Variants in COL11A1 observed in about 807,000 individuals in gnomAD.
COL11A1 encodes collagen type XI alpha 1 chain, also known as collagen alpha-1(XI) chain.
COL11A1 carries 74 observed loss-of-function variants against 265.2 expected under a neutral mutation model. The ratio of observed to expected loss-of-function variants is 0.28; its 90% CI spans 0.23 to 0.34. The LOEUF (loss-of-function observed/expected upper bound fraction) is 0.34, where lower values mean the gene tolerates loss of function less well. COL11A1 is among the 10% of genes least tolerant of loss of function. The pLI, the probability that COL11A1 is intolerant of heterozygous loss-of-function variation, is 1.00. For missense variants in COL11A1, 2,165 were observed against 2,263.6 expected, an observed-to-expected ratio of 0.96 and a Z score of 0.88; for synonymous variants, 816 against 727.6, an observed-to-expected ratio of 1.12 and a Z score of -1.96.
intron 1 of COL11A1, chr1:103,100,814 C>A (rs553245627): frequency 6.6e-6 from 1 of 152,018 alleles, no homozygotes; most frequent in East Asian, 1.9e-4. Flanking sequence ...TACTTACTAG[C>A]TGTGTGACTT....
intron 8 of COL11A1, among the ~76,000 whole-genome samples, chr1:103,022,197 A>T (rs1189201902): frequency 1.3e-5 from 2 of 151,946 alleles, no homozygotes; most frequent in African/African-American, 2.4e-5. Context: ...AACTAAACAC[A>T]TTTAAAACAA....
chr1:103,001,124 G>A (rs1665061376), intron 24 of COL11A1: 1 of 397,320 alleles, frequency 2.5e-6, no homozygotes, highest in South Asian at 1.3e-4. Flanking sequence ...CTGAGGGGGT[G>A]GAAACATGGA....
chr1:103,097,514 C>CT (rs1673873829), intron 1 of COL11A1, among the ~76,000 whole-genome samples: 1 of 151,962 alleles, frequency 6.6e-6, no homozygotes, highest in African/African-American at 2.4e-5. Context: ...CTCCAGGAAC[C>CT]ATACACCTCT....
intron 41 of COL11A1, among the ~76,000 whole-genome samples, chr1:102,953,166 CTA>C (rs1436521360): frequency 3.9e-5 from 6 of 152,138 alleles, no homozygotes; most frequent in Non-Finnish European, 8.8e-5. Context: ...GATAAATAAA[CTA>C]TTATATCTAA....
intron 13 of COL11A1, 64 bp downstream of exon 13, chr1:103,014,447 A>G (rs1257126965): frequency 7.8e-7 from 1 of 1,283,674 alleles, no homozygotes; most frequent in Non-Finnish European, 1.1e-6. Flanking sequence ...TTCCGTATGT[A>G]CACACATATA....
rs1237127859 is a variant in COL11A1 at position 102,914,335 on chromosome 1, T to C, written c.3978+17A>G. 1.9e-6 allele frequency: 3 copies of C among 1,590,232 alleles called. 1 individual carries two copies. In the South Asian group the frequency reaches 3.4e-5, roughly 18 times the overall value. On this transcript the variant is annotated intron_variant, in intron 52 of 66. Transcript: ENST00000370096. ...ATTCACTCCAAAATAATTTCTTGAT[T>C]TTTCCCTGATACTTACTGCAGGGCC...
chr1:103,086,708 G>A (rs527368322), intron 1 of COL11A1, among the ~76,000 whole-genome samples: 1 of 152,132 alleles, frequency 6.6e-6, no homozygotes, highest in Non-Finnish European at 1.5e-5. Context: ...GAGCCACCGC[G>A]CCCGGCAACA....
At chr1:102,890,823 A>G (rs1651677776) in intron 57 of COL11A1, among the ~76,000 whole-genome samples, 2 of 152,104 alleles carry the variant, frequency 1.3e-5, no homozygotes, top group South Asian at 4.1e-4. Context: ...TCCAAATTAT[A>G]TATCCAGTTA....
chr1:102,975,844 C>A (rs1662416234), intron 35 of COL11A1, among the ~76,000 whole-genome samples: 1 of 152,026 alleles, frequency 6.6e-6, no homozygotes, highest in African/African-American at 2.4e-5. Flanking sequence ...CTAGCCTTCC[C>A]AAGAAAAATC....
At position 103,108,117 on chromosome 1, in the gene COL11A1, G is replaced by T. The variant is rs375761728; in HGVS notation, c.62C>A (p.Thr21Asn). 5 of 1,613,720 alleles carry T rather than the reference G, an allele frequency of 3.1e-6. No individual in the cohort carries two copies. The highest frequency in any genetic ancestry group is 8.5e-7 in the Non-Finnish European group (1 of 1,179,996). The change falls in exon 1 of 67, where the codon ACC becomes AAC. Residue 21 changes from threonine (T) to asparagine (N), a missense_variant. Transcript: ENST00000370096. ...KRWLWDFTVT[T>N]LALTFLFQAR... is the part of the protein sequence containing the mutation. The stretch of plus-strand genomic sequence containing the variant: ...TTGGAAGAGGAAGGTCAATGCGAGG[G>T]TTGTTACGGTGAAATCCCAGAGCCA...
At chr1:103,049,431 T>C (rs1042069194) in intron 4 of COL11A1, among the ~76,000 whole-genome samples, 13 of 152,164 alleles carry the variant, frequency 8.5e-5, no homozygotes, top group African/African-American at 3.1e-4. Flanking sequence ...CCCCTGCCTT[T>C]TTCTGTTTTC....
chr1:103,007,211 C>T (rs910201027), intron 15 of COL11A1, among the ~76,000 whole-genome samples: 14 of 152,120 alleles, frequency 9.2e-5, no homozygotes, highest in Middle Eastern at 3.2e-3. Flanking sequence ...GGACAATTTG[C>T]CAATCCCTGA....
intron 3 of COL11A1, among the ~76,000 whole-genome samples, chr1:103,075,989 G>A (rs1012476263): frequency 1.8e-4 from 28 of 151,822 alleles, no homozygotes; most frequent in African/African-American, 6.8e-4. Context: ...CTTCACTTAA[G>A]CCATTCCCAG....
At chr1:102,924,420 A>T (rs1300417264) in intron 46 of COL11A1, among the ~76,000 whole-genome samples, 1 of 152,182 alleles carries the variant, frequency 6.6e-6, no homozygotes, top group East Asian at 1.9e-4. Flanking sequence ...TTCCATGAAG[A>T]TTATTATTTC....
At chr1:103,015,602 A>G in intron 12 of COL11A1, 66 bp downstream of exon 12, 1 of 1,221,450 alleles carries the variant, frequency 8.2e-7, no homozygotes, top group South Asian at 1.3e-5. Context: ...ATATGGTTCA[A>G]CAATAAACTT....
chr1:102,934,968 A>C, intron 45 of COL11A1, 92 bp downstream of exon 45: 1 of 1,183,636 alleles, frequency 8.4e-7, no homozygotes, highest in Admixed American at 1.8e-5. Context: ...AAAACTTATT[A>C]CCCCACAAAA....
intron 65 of COL11A1, among the ~76,000 whole-genome samples, chr1:102,880,228 A>G (rs932980181): frequency 2.8e-4 from 42 of 152,198 alleles, no homozygotes; most frequent in African/African-American, 9.4e-4. Flanking sequence ...ATGTTTCAAT[A>G]TATTTCTGTA....
chr1:102,997,055 T>C, intron 26 of COL11A1, 25 bp downstream of exon 26: 1 of 1,603,800 alleles, frequency 6.2e-7, no homozygotes, highest in Non-Finnish European at 8.5e-7. Context: ...TAATAGGACA[T>C]TTAAATGGAT....
rs1384760994 is a variant in COL11A1, at chr1:103,058,291, C to A, written c.651+16327G>T. Among the ~76,000 whole-genome samples, 5 of 152,272 alleles carry A rather than the reference C, an allele frequency of 3.3e-5. No individual in the cohort carries two copies. In the East Asian group the frequency reaches 9.7e-4, roughly 29 times the overall value. ...TTCACAGAATTGAAGAGAGTTAAGGCCTTGTTCTGGATTAAGCTGCGGCAT... is the reference window on the plus strand; with the variant it reads ...TTCACAGAATTGAAGAGAGTTAAGGACTTGTTCTGGATTAAGCTGCGGCAT... On this transcript the variant is annotated intron_variant, in intron 4 of 66. Coordinates refer to ENST00000370096, the MANE Select transcript of COL11A1 (RefSeq NM_001854.4).
Sources: allele counts gnomAD v4.1 joint callset (sites outside exome capture counted in the v4.1 genomes callset), GRCh38; gene constraint gnomAD v4.1.1; transcripts MANE v1.5; gene names NCBI Gene and HGNC (gene_info 2026-07-23, HGNC 2026-07-21).